KNOP1: variants seen among roughly 807,000 people sequenced by gnomAD.
KNOP1 encodes the protein lysine rich nucleolar protein 1, also known as lysine-rich nucleolar protein 1.
KNOP1 carries 20 observed loss-of-function variants against 30.6 expected under a neutral mutation model. The ratio of observed to expected loss-of-function variants is 0.65; its 90% CI spans 0.46 to 0.95. The LOEUF (loss-of-function observed/expected upper bound fraction) is 0.95. KNOP1 is among the 40% of genes least tolerant of loss of function. KNOP1 has a pLI of 0.00. For missense variants in KNOP1, 540 were observed against 562.0 expected (o/e 0.96, Z 0.40); for synonymous variants, 204 against 210.0 (o/e 0.97, Z 0.25).
rs139419627 is a variant in KNOP1 at position 19,714,241 on chromosome 16, G to C, written c.795C>G (p.Ser265=). Residue 265 remains serine, a synonymous_variant, in exon 2 of 5, where the codon TCC becomes TCG. Coordinates refer to ENST00000219837, the MANE Select transcript of KNOP1 (RefSeq NM_001012991.3). ...YIPISDDPKA[S]AKKKMKSKKK... ...TTTTGGACTTCATCTTTTTCTTTGC[G>C]GAGGCCTTAGGGTCATCACTTATGG... The C allele has an allele frequency of 1.2e-6, 2 of 1,613,902 alleles. No individual in the cohort carries two copies. The highest frequency in any genetic ancestry group is 1.7e-5 in the Admixed American group (1 of 59,976).
At chr16:19,717,023 A>G (rs1977156098) in intron 1 of KNOP1, among the ~76,000 whole-genome samples, 1 of 151,102 alleles carries the variant, frequency 6.6e-6, no homozygotes, top group African/African-American at 2.4e-5. Flanking sequence ...TTGTATTTTT[A>G]GTAGGGACGG....
intron 4 of KNOP1, among the ~76,000 whole-genome samples, chr16:19,709,496 C>A (rs1976594224): frequency 6.6e-6 from 1 of 152,212 alleles, no homozygotes; most frequent in African/African-American, 2.4e-5. Context: ...CTTGCCGAGT[C>A]AATGCCCTCC....
chr16:19,702,652 A>G lies in KNOP1; in HGVS notation c.*4258T>C, dbSNP rs1179486650. On this transcript the variant is annotated 3_prime_UTR_variant, in exon 5 of 5. Coordinates refer to ENST00000219837, the MANE Select transcript of KNOP1 (RefSeq NM_001012991.3). Reference sequence around the variant, plus strand: ...TGGTCTATGTGAGATGAAGTCTATCATTAGCAAGGATGGAGCAATAAGATG... The same window carrying G: ...TGGTCTATGTGAGATGAAGTCTATCGTTAGCAAGGATGGAGCAATAAGATG... 3 of 152,184 alleles carry G rather than the reference A, an allele frequency of 2.0e-5. No individual in the cohort carries two copies. Among genetic ancestry groups the G allele is most frequent in the Non-Finnish European group, 2.9e-5 (2 of 68,054 alleles). The allele number at this position is 152,184 out of a possible 1,614,324, so 9.4% of individuals were successfully genotyped here. A position where few individuals can be genotyped will look rare whatever the true frequency, so the allele number is the denominator to read the frequency against.
chr16:19,706,677 A>G lies in KNOP1; in HGVS notation c.*233T>C, dbSNP rs1036362866. 7 of 531,136 alleles carry G rather than the reference A, an allele frequency of 1.3e-5. No homozygotes were observed. Among genetic ancestry groups the G allele is most frequent in the Non-Finnish European group, 2.0e-5 (6 of 301,112 alleles). The allele number at this position is 531,136 out of a possible 1,614,324, so 32.9% of individuals were successfully genotyped here. ...ATAGTTGTCCTCGTCCTTAATCTCC[A>G]CAGGTGTTCAATGTGAGCCAACTGT... On this transcript the variant is annotated 3_prime_UTR_variant, in exon 5 of 5. Coordinates refer to ENST00000219837, the MANE Select transcript of KNOP1 (RefSeq NM_001012991.3).
chr16:19,713,268 T>G (rs1386194487), intron 2 of KNOP1, among the ~76,000 whole-genome samples: 1 of 152,146 alleles, frequency 6.6e-6, no homozygotes. Context: ...AGTTTCTGTA[T>G]TTTTAGTAGA....
At position 19,702,986 on chromosome 16, in the gene KNOP1, T is replaced by A. The variant is rs1426588783; in HGVS notation, c.*3924A>T. On this transcript the variant is annotated 3_prime_UTR_variant, in exon 5 of 5. Coordinates refer to ENST00000219837, the MANE Select transcript of KNOP1 (RefSeq NM_001012991.3). ...CTCCAGCCTGGGCGTGGAGTGAGAG[T>A]GAGACTGTCTCAAAAAAAAAAAAAG... The A allele has an allele frequency of 6.9e-6, 1 of 145,284 alleles. No homozygotes were observed. Among genetic ancestry groups the A allele is most frequent in the Admixed American group, 6.8e-5 (1 of 14,632 alleles). The allele number at this position is 145,284 out of a possible 1,614,324, so 9.0% of individuals were successfully genotyped here.
intron 4 of KNOP1, among the ~76,000 whole-genome samples, chr16:19,707,691 T>A (rs899047777): frequency 2.2e-5 from 1 of 45,006 alleles, no homozygotes; most frequent in Non-Finnish European, 4.0e-5. Context: ...CACAGCACAC[T>A]CCCCCACCAC....
In KNOP1 at chr16:19,707,148, A is replaced by T; in HGVS notation, c.1139T>A (p.Met380Lys). The change falls in exon 5 of 5, where the codon ATG (methionine) becomes AAG (lysine). Residue 380 changes from methionine to lysine, a missense_variant. By Grantham distance (95) the Met-to-Lys change is moderately conservative. Coordinates refer to ENST00000219837, the MANE Select transcript of KNOP1 (RefSeq NM_001012991.3). Reference sequence around the variant, plus strand: ...AGGGGACAGGTTTTTGAAGCCACCCATAAGTCTGAGAAATTTCAGTTTTTG... The same window carrying T: ...AGGGGACAGGTTTTTGAAGCCACCCTTAAGTCTGAGAAATTTCAGTTTTTG... ...EDQKLKFLRL[M>K]GGFKNLSPSF... 2 of 1,614,096 alleles carry T rather than the reference A, an allele frequency of 1.2e-6. No homozygotes were observed. Among genetic ancestry groups the T allele is most frequent in the African/African-American group, 1.3e-5 (1 of 75,050 alleles).
Position 19,706,830 on chromosome 16 carries a change from CAAA to C in KNOP1, c.*77_*79del, listed in dbSNP as rs912593823. ...TCCTCACCAAGATCTGATTTTTTCA[CAAA>C]AAAAATTTGTAATCTCCAGCATAAA... On this transcript the variant is annotated 3_prime_UTR_variant, in exon 5 of 5. Transcript: ENST00000219837. The C allele has an allele frequency of 6.7e-7, 1 of 1,502,120 alleles. No individual in the cohort carries two copies. Among genetic ancestry groups the C allele is most frequent in the African/African-American group, 1.4e-5 (1 of 70,796 alleles). The allele number at this position is 1,502,120 out of a possible 1,614,324, so 93.0% of individuals were successfully genotyped here.
chr16:19,707,038 G>T lies in KNOP1; in HGVS notation c.1249C>A (p.Gln417Lys), dbSNP rs777237123. Residue 417 changes from glutamine (Q) to lysine (K), a missense_variant, in exon 5 of 5, where the codon CAG (glutamine) becomes AAG (lysine). Physicochemically the swap from Gln to Lys is moderately conservative, Grantham distance 53. Coordinates refer to ENST00000219837, the MANE Select transcript of KNOP1 (RefSeq NM_001012991.3). ...KAADSLQQNL[Q>K]RDYDRAMSWK... ...CTCATGGCCCGGTCGTAGTCCCGCT[G>T]CAGATTCTGCTGCAGGCTGTCAGCC... The T allele has an allele frequency of 1.9e-6, 3 of 1,614,052 alleles. No homozygotes were observed. The highest frequency in any genetic ancestry group is 2.5e-6 in the Non-Finnish European group (3 of 1,180,052).
chr16:19,713,540 C>A (rs540824807), intron 2 of KNOP1, among the ~76,000 whole-genome samples: 1 of 152,056 alleles, frequency 6.6e-6, no homozygotes, highest in South Asian at 2.1e-4. Context: ...CTAGAGCTGC[C>A]GGGACCATCA....
chr16:19,711,376 T>C lies in KNOP1; in HGVS notation c.983A>G (p.Asp328Gly). Residue 328 changes from aspartate (D) to glycine (G), a missense_variant, in exon 3 of 5, where the codon GAC becomes GGC. Physicochemically the swap from Asp to Gly is moderately conservative, Grantham distance 94. Transcript: ENST00000219837. Reference protein sequence around the residue: ...KKGNMDEAHIDQVRRKALQEE... With the variant: ...KKGNMDEAHIGQVRRKALQEE... ...TGAGGAGGGTCTGGGCTGTACCTGG[T>C]CTATGTGCGCCTCATCCATGTTGCC... The C allele has an allele frequency of 1.2e-6, 2 of 1,613,992 alleles. No individual in the cohort carries two copies. The highest frequency in any genetic ancestry group is 1.7e-6 in the Non-Finnish European group (2 of 1,180,000).
chr16:19,711,449 G>C lies in KNOP1; in HGVS notation c.919-9C>G, dbSNP rs1976717575. The C allele has an allele frequency of 6.2e-7, 1 of 1,613,862 alleles. No individual in the cohort carries two copies. ...AAGTCCGTGTCTGTTTCCTGCAGGA[G>C]AGGGCAGAGCTGGCTAAGGTTCAAG... On this transcript the variant is annotated splice_polypyrimidine_tract_variant and intron_variant, in intron 2 of 4. Transcript: ENST00000219837.
Position 19,707,156 on chromosome 16 carries a change from G to A in KNOP1, c.1131C>T (p.Leu377=). 5.6e-6 allele frequency: 9 copies of A among 1,614,020 alleles called. No individual in the cohort carries two copies. Among genetic ancestry groups the A allele is most frequent in the Non-Finnish European group, 6.8e-6 (8 of 1,180,004 alleles). ...FENEDQKLKF[L]RLMGGFKNLS... is the part of the protein sequence containing the mutation. ...GGTTTTTGAAGCCACCCATAAGTCT[G>A]AGAAATTTCAGTTTTTGGTCCTCGT... Residue 377 remains leucine (L), a synonymous_variant, in exon 5 of 5, where the codon CTC becomes CTT. Coordinates refer to ENST00000219837, the MANE Select transcript of KNOP1 (RefSeq NM_001012991.3).
At chr16:19,717,244 G>A in intron 1 of KNOP1, 1 of 892,582 alleles carries the variant, frequency 1.1e-6, no homozygotes, top group Non-Finnish European at 1.3e-6. Flanking sequence ...CATCCACTGG[G>A]GGTTTAGGAA....
At chr16:19,712,898 C>T (rs1027253530) in intron 2 of KNOP1, among the ~76,000 whole-genome samples, 1 of 152,140 alleles carries the variant, frequency 6.6e-6, no homozygotes, top group African/African-American at 2.4e-5. Context: ...AGCCACCAGC[C>T]CTCCGGCTCA....
rs1222641377 is a variant in KNOP1 at position 19,714,932 on chromosome 16, T to C, written c.104A>G (p.Asp35Gly). The change falls in exon 2 of 5, where the codon GAT becomes GGT. Residue 35 changes from aspartate to glycine, a missense_variant. Coordinates refer to ENST00000219837, the MANE Select transcript of KNOP1 (RefSeq NM_001012991.3). ...AGGAGAAACATCAGCAAAGTAATCATCATTGTTTAAAACTGAGTATCGAGT... is the reference window on the plus strand; with the variant it reads ...AGGAGAAACATCAGCAAAGTAATCACCATTGTTTAAAACTGAGTATCGAGT... ...PETRYSVLNNDDYFADVSPLR... is the reference protein window; with the variant it reads ...PETRYSVLNNGDYFADVSPLR... 2 of 1,613,410 alleles carry C rather than the reference T, an allele frequency of 1.2e-6. No homozygotes were observed. The highest frequency in any genetic ancestry group is 1.7e-5 in the Admixed American group (1 of 59,870).
chr16:19,710,671 G>A (rs2151647812), intron 3 of KNOP1, 85 bp from the exon 4 acceptor site: 2 of 1,108,292 alleles, frequency 1.8e-6, no homozygotes, highest in Admixed American at 1.7e-5. Flanking sequence ...GGGGCTGGGG[G>A]AACGGAACGT....
rs1315095907 is a variant in KNOP1 at position 19,703,549 on chromosome 16, T to TGTCTA, written c.*3356_*3360dup. The TGTCTA allele has an allele frequency of 6.6e-6, 1 of 151,932 alleles. No homozygotes were observed. Among genetic ancestry groups the TGTCTA allele is most frequent in the Non-Finnish European group, 1.5e-5 (1 of 68,048 alleles). 9.4% of individuals were successfully genotyped at this position (151,932 alleles called of 1,614,324 possible). ...CTGCCAACTTCTTTTGTGAGGACTG[T>TGTCTA]GTCTATTTGGCAAATTTTTTTTTTT... On this transcript the variant is annotated 3_prime_UTR_variant, in exon 5 of 5. Transcript: ENST00000219837.
Sources: allele counts gnomAD v4.1 joint callset (sites outside exome capture counted in the v4.1 genomes callset), GRCh38; gene constraint gnomAD v4.1.1; transcripts MANE v1.5; gene names NCBI Gene and HGNC (gene_info 2026-07-23, HGNC 2026-07-21).